Variants in GSTA5 observed in about 807,000 individuals in gnomAD.
GSTA5 encodes the protein glutathione S-transferase A5.
GSTA5 carries 25 observed loss-of-function variants against 21.8 expected under a neutral mutation model. The observed-to-expected ratio is 1.14, with a 90% CI of 0.83 to 1.60. The LOEUF is 1.60. GSTA5 is among the 40% of genes most tolerant of loss of function. The pLI is 0.00. For synonymous variants in GSTA5, 102 were observed against 89.5 expected (o/e 1.14, Z -0.78); for missense variants, 330 against 259.2 (o/e 1.27, Z -1.88).
At position 52,834,302 on chromosome 6, in the gene GSTA5, A is replaced by G. The variant is rs201049005; in HGVS notation, c.273-20T>C. 201 of 1,596,314 alleles carry G rather than the reference A, an allele frequency of 1.3e-4. No individual in the cohort carries two copies. In the African/African-American group the frequency reaches 2.4e-3, roughly 19 times the overall value. On this transcript the variant is annotated intron_variant, in intron 3 of 5. Transcript: ENST00000370989. ...TCAATCCTGAAAGACAAAAACAACC[A>G]AACCATCAAATGCCTTTTGCCTTAG...
upstream of GSTA5, chr6:52,840,937 G>T (rs1764366209): frequency 3.7e-6 from 3 of 821,076 alleles, no homozygotes; most frequent in Admixed American, 3.0e-5. Flanking sequence ...AGAAGAACCT[G>T]CCTTCTTCAT....
In GSTA5 at chr6:52,839,607, C is replaced by A. The variant is rs1269936352; in HGVS notation, c.87+1120G>T. ...CGCGCTAGAAGTTCCCTTCACAGGA[C>A]GCCACCTCACCTGAAACCCCCCTTT... On this transcript the variant is annotated intron_variant, in intron 1 of 5. Transcript: ENST00000370989. 2.0e-5 allele frequency among the ~76,000 whole-genome samples: 3 copies of A among 152,152 alleles called. 1 individual carries two copies.
intron 2 of GSTA5, 126 bp downstream of exon 2, chr6:52,837,432 C>G: frequency 1.7e-6 from 1 of 571,572 alleles, no homozygotes; most frequent in South Asian, 2.3e-5. Flanking sequence ...CCATTTTAAC[C>G]ACTTTCTCCC....
upstream of GSTA5, among the ~76,000 whole-genome samples, chr6:52,842,505 A>G (rs1764392646): frequency 6.9e-6 from 1 of 144,054 alleles, no homozygotes; most frequent in Non-Finnish European, 1.5e-5. Flanking sequence ...TCCCAGTTTC[A>G]AGTGATTCTC....
At chr6:52,833,034 G>C in intron 4 of GSTA5, 44 bp from the exon 5 acceptor site, 1 of 1,611,470 alleles carries the variant, frequency 6.2e-7, no homozygotes, top group South Asian at 1.1e-5. Flanking sequence ...TGCACACCCA[G>C]GCTGGGACCC....
At chr6:52,836,831 G>T (rs1273868098) in intron 2 of GSTA5, among the ~76,000 whole-genome samples, 1 of 152,190 alleles carries the variant, frequency 6.6e-6, no homozygotes, top group East Asian at 1.9e-4. Flanking sequence ...TTTTTTAAAA[G>T]TTTCCTGTAG....
At chr6:52,835,084 C>G (rs1302731563) in intron 3 of GSTA5, among the ~76,000 whole-genome samples, 1 of 152,202 alleles carries the variant, frequency 6.6e-6, no homozygotes, top group Non-Finnish European at 1.5e-5. Context: ...TCACAGAATT[C>G]TGTAAAAATC....
At chr6:52,838,866 A>T (rs1384791339) in intron 1 of GSTA5, among the ~76,000 whole-genome samples, 1 of 152,226 alleles carries the variant, frequency 6.6e-6, no homozygotes, top group African/African-American at 2.4e-5. Flanking sequence ...TCTTAAATGG[A>T]ATTTTGTAAT....
chr6:52,843,732 G>C, upstream of GSTA5, among the ~76,000 whole-genome samples: 1 of 152,192 alleles, frequency 6.6e-6, no homozygotes, highest in Admixed American at 6.5e-5. Context: ...AAGGGAGAGT[G>C]AAGTTCACAC....
chr6:52,842,718 T>C (rs1764397577), upstream of GSTA5, among the ~76,000 whole-genome samples: 1 of 152,234 alleles, frequency 6.6e-6, no homozygotes. Flanking sequence ...ACTAATGTAC[T>C]TCTACAAAAG....
chr6:52,836,759 G>A (rs2397120), intron 2 of GSTA5, among the ~76,000 whole-genome samples: 140,819 of 152,300 alleles, frequency 0.92, 65,286 homozygotes, highest in Non-Finnish European at 0.96. Flanking sequence ...TGATCCACCC[G>A]CCTCAGCCTC....
At chr6:52,842,025 T>G (rs1359512743), upstream of GSTA5, among the ~76,000 whole-genome samples, 1 of 152,226 alleles carries the variant, frequency 6.6e-6, no homozygotes, top group Non-Finnish European at 1.5e-5. Context: ...CAGTTATTTG[T>G]ATATTGTGTG....
chr6:52,837,499 C>T (rs1364707971), intron 2 of GSTA5, 59 bp downstream of exon 2: 10 of 1,124,046 alleles, frequency 8.9e-6, no homozygotes, highest in South Asian at 2.6e-5. Context: ...GGCTGCTCAA[C>T]GTTCCTCTGT....
chr6:52,839,560 C>G (rs1329677296), intron 1 of GSTA5, among the ~76,000 whole-genome samples: 1 of 152,198 alleles, frequency 6.6e-6, no homozygotes, highest in Non-Finnish European at 1.5e-5. Flanking sequence ...CAGGTCCACA[C>G]GGCGCTGTGA....
chr6:52,845,594 G>T (rs557591290), upstream of GSTA5, among the ~76,000 whole-genome samples: 1 of 152,254 alleles, frequency 6.6e-6, no homozygotes, highest in Non-Finnish European at 1.5e-5. Flanking sequence ...CTAGAATCTA[G>T]TCCTCCTGAC....
In GSTA5 at chr6:52,837,354, A is replaced by G. The variant is rs551586283; in HGVS notation, c.139+204T>C. On this transcript the variant is annotated intron_variant, in intron 2 of 5. Transcript: ENST00000370989. ...GCGGGATATCATTCCTCTAACAAAT[A>G]CTCTGAGAGGTCTGGTCCTTTTAGC... is the stretch of plus-strand genomic sequence containing the variant. 7.9e-4 allele frequency among the ~76,000 whole-genome samples: 120 copies of G among 152,168 alleles called. 1 individual carries two copies. The highest frequency in any genetic ancestry group is 1.5e-4 in the Non-Finnish European group (10 of 68,000).
chr6:52,840,777 G>A (rs372515597), exon 1 of GSTA5: 39 of 1,613,970 alleles, frequency 2.4e-5, no homozygotes, highest in South Asian at 9.9e-5. Flanking sequence ...ATACTGCCCC[G>A]TGCATTGGAG....
chr6:52,833,451 C>G (rs1185139709), intron 4 of GSTA5, among the ~76,000 whole-genome samples: 1 of 152,158 alleles, frequency 6.6e-6, no homozygotes, highest in Non-Finnish European at 1.5e-5. Context: ...CCTCATTTGT[C>G]CTTGTCTGCC....
At chr6:52,841,771 G>A (rs1764380120), upstream of GSTA5, among the ~76,000 whole-genome samples, 1 of 152,158 alleles carries the variant, frequency 6.6e-6, no homozygotes, top group Admixed American at 6.5e-5. Context: ...TTTTACAGTT[G>A]AGGATACTGA....
Sources: gnomAD v4.1 joint callset for allele counts (sites outside exome capture counted in the v4.1 genomes callset) on GRCh38, gnomAD v4.1.1 for gene constraint, MANE v1.5 for transcripts, NCBI Gene and HGNC (gene_info 2026-07-23, HGNC 2026-07-21) for gene names.